Variants in XPNPEP3 observed in about 807,000 individuals in gnomAD.
The protein encoded by XPNPEP3 is X-prolyl aminopeptidase 3.
A neutral mutation model predicts 60.0 loss-of-function variants in XPNPEP3; 41 were observed. The observed-to-expected ratio is 0.68, with a 90% confidence interval of 0.53 to 0.89. The LOEUF is 0.89. Among genes scored for constraint, XPNPEP3 ranks in the 40% least tolerant of loss-of-function variants. The pLI, the probability that XPNPEP3 is intolerant of heterozygous loss-of-function variation, is 0.00. For missense variants in XPNPEP3, 598 were observed against 638.9 expected (o/e 0.94, Z 0.69); for synonymous variants, 212 against 223.2 (o/e 0.95, Z 0.45).
chr22:40,924,266 G>A, intron 8 of XPNPEP3, 96 bp from the exon 9 acceptor site: 1 of 1,526,114 alleles, frequency 6.6e-7, no homozygotes, highest in South Asian at 1.1e-5. Context: ...GAACCATGGG[G>A]GAGATAATAA....
In XPNPEP3 at chr22:40,886,177, T is replaced by C. The variant is rs186785277; in HGVS notation, c.590-136T>C. On this transcript the variant is annotated intron_variant, in intron 3 of 9. Coordinates refer to ENST00000357137, the MANE Select transcript of XPNPEP3 (RefSeq NM_022098.4). ...CTTTATTGCTTCAGTCCTGAGAGAG[T>C]CTTAAGTCTCAACACTTTAGAGTTC... is the stretch of plus-strand genomic sequence containing the variant. The C allele has an allele frequency of 4.8e-6, 4 of 832,004 alleles. No homozygotes were observed. In the East Asian group the frequency reaches 1.0e-4, roughly 21 times the overall value. 51.5% of individuals were successfully genotyped at this position (832,004 alleles called of 1,614,324 possible). A position where few individuals can be genotyped will look rare whatever the true frequency, so the allele number is the denominator to read the frequency against.
chr22:40,891,906 T>C (rs1053035125), intron 4 of XPNPEP3, among the ~76,000 whole-genome samples: 2 of 152,196 alleles, frequency 1.3e-5, no homozygotes, highest in African/African-American at 4.8e-5. Flanking sequence ...CTCCCATGCA[T>C]GCACAACGTG....
chr22:40,918,029 A>AT, intron 7 of XPNPEP3, among the ~76,000 whole-genome samples: 1 of 148,480 alleles, frequency 6.7e-6, no homozygotes, highest in Non-Finnish European at 1.5e-5. Flanking sequence ...AAAAAAAAAA[A>AT]TCTGTAAATA....
intron 3 of XPNPEP3, among the ~76,000 whole-genome samples, chr22:40,882,579 G>A (rs111813449): frequency 2.6e-5 from 4 of 152,082 alleles, no homozygotes; most frequent in African/African-American, 9.6e-5. Context: ...GGAGGTTGCA[G>A]TGATCCGAGA....
intron 3 of XPNPEP3, among the ~76,000 whole-genome samples, chr22:40,884,058 A>G (rs1010357985): frequency 1.3e-5 from 2 of 152,128 alleles, no homozygotes; most frequent in South Asian, 2.1e-4. Context: ...GGAAGAAAAT[A>G]CTCATTTGAA....
rs11365518 is a variant in XPNPEP3 at position 40,865,325 on chromosome 22, CTTTT to C, written c.65-3657_65-3654del. 5.3e-5 allele frequency among the ~76,000 whole-genome samples: 6 copies of C among 112,628 alleles called. No homozygotes were observed. The South Asian group carries it at 1.1e-3, about 21-fold the overall frequency. 73.9% of individuals were successfully genotyped at this position (112,628 alleles called of 152,430 possible). A position where few individuals can be genotyped will look rare whatever the true frequency, so the allele number is the denominator to read the frequency against. ...CTTGCCACACTGTGAGCCCTCCTCA[CTTTT>C]TTTTTTTTTTTTTTTTGAGATGGAG... is the stretch of plus-strand genomic sequence containing the variant. On this transcript the variant is annotated intron_variant, in intron 1 of 9. Coordinates refer to ENST00000357137, the MANE Select transcript of XPNPEP3 (RefSeq NM_022098.4).
At chr22:40,887,040 A>G (rs1601502455) in intron 4 of XPNPEP3, among the ~76,000 whole-genome samples, 1 of 152,058 alleles carries the variant, frequency 6.6e-6, no homozygotes, top group Non-Finnish European at 1.5e-5. Flanking sequence ...TCTTTTACCC[A>G]TCAATCTTAA....
intron 1 of XPNPEP3, 21 bp downstream of exon 1, chr22:40,857,266 T>G (rs1405733533): frequency 6.2e-7 from 1 of 1,613,768 alleles, no homozygotes; most frequent in Non-Finnish European, 8.5e-7. Context: ...TCTCCCACGG[T>G]CTCCTCCCAT....
intron 4 of XPNPEP3, among the ~76,000 whole-genome samples, chr22:40,889,018 T>G (rs913316739): frequency 1.3e-5 from 2 of 151,562 alleles, no homozygotes; most frequent in South Asian, 2.1e-4. Context: ...GTTTTTTTTT[T>G]GTTTTGTTTT....
rs753664807 is a variant in XPNPEP3, at chr22:40,922,307, A to G, written c.1056-26A>G. 2.5e-6 allele frequency: 4 copies of G among 1,613,276 alleles called. No homozygotes were observed. In the South Asian group the frequency reaches 3.3e-5, roughly 13 times the overall value. On this transcript the variant is annotated intron_variant, in intron 7 of 9. Coordinates refer to ENST00000357137, the MANE Select transcript of XPNPEP3 (RefSeq NM_022098.4). ...TTAGAATATCAGATTATCTAAGTTC[A>G]GGTTCTTTGGTTTTCCCGTCCCCAG...
chr22:40,900,274 G>A (rs1157817326), intron 4 of XPNPEP3, among the ~76,000 whole-genome samples: 3 of 151,324 alleles, frequency 2.0e-5, no homozygotes, highest in African/African-American at 7.3e-5. Context: ...CTACATCAAA[G>A]GGTACTTTTC....
chr22:40,926,746 T>C lies in XPNPEP3; in HGVS notation c.*311T>C, dbSNP rs574328573. ...GGTTACACATGTCCATGCATTCCAG[T>C]TAACACATTTAAACATATAGAAAAT... On this transcript the variant is annotated 3_prime_UTR_variant, in exon 10 of 10. Coordinates refer to ENST00000357137, the MANE Select transcript of XPNPEP3 (RefSeq NM_022098.4). The C allele has an allele frequency of 1.0e-5, 4 of 398,220 alleles. No individual in the cohort carries two copies. Among genetic ancestry groups the C allele is most frequent in the African/African-American group, 8.2e-5 (4 of 48,872 alleles). 24.7% of individuals were successfully genotyped at this position (398,220 alleles called of 1,614,324 possible). A position where few individuals can be genotyped will look rare whatever the true frequency, so the allele number is the denominator to read the frequency against.
intron 1 of XPNPEP3, chr22:40,862,714 C>G (rs13310): frequency 1.0e-6 from 1 of 985,282 alleles, no homozygotes. Context: ...CTTTGTCCAC[C>G]CAAGGTTTAC....
intron 1 of XPNPEP3, among the ~76,000 whole-genome samples, chr22:40,864,606 C>T (rs577740071): frequency 1.2e-4 from 19 of 152,032 alleles, no homozygotes; most frequent in South Asian, 2.1e-4. Context: ...CCACCACGCC[C>T]GGCTAATTTT....
intron 4 of XPNPEP3, among the ~76,000 whole-genome samples, chr22:40,897,335 T>C (rs1169230470): frequency 6.6e-6 from 1 of 152,092 alleles, no homozygotes; most frequent in African/African-American, 2.4e-5. Flanking sequence ...GCCTCCTTCA[T>C]CTTTTCATCT....
intron 4 of XPNPEP3, among the ~76,000 whole-genome samples, chr22:40,902,596 G>A (rs1255696462): frequency 6.6e-6 from 1 of 151,892 alleles, no homozygotes; most frequent in East Asian, 1.9e-4. Context: ...TGTTGGTCAG[G>A]CTGGTTTCAA....
intron 2 of XPNPEP3, among the ~76,000 whole-genome samples, chr22:40,873,290 A>G (rs1286033782): frequency 6.6e-6 from 1 of 150,498 alleles, no homozygotes; most frequent in African/African-American, 2.4e-5. Context: ...TTTTTAGTAG[A>G]GAGGGGGTTT....
At chr22:40,899,543 C>A (rs972409700) in intron 4 of XPNPEP3, among the ~76,000 whole-genome samples, 1 of 152,040 alleles carries the variant, frequency 6.6e-6, no homozygotes, top group Non-Finnish European at 1.5e-5. Context: ...AAGTTGTGCC[C>A]GGGCACAGTG....
intron 1 of XPNPEP3, chr22:40,859,487 T>G (rs975612818): frequency 6.6e-6 from 1 of 152,166 alleles, no homozygotes; most frequent in Non-Finnish European, 1.5e-5. Context: ...TTTTTCAACT[T>G]TACTACCACA....
Sources: gnomAD v4.1 joint callset for allele counts (sites outside exome capture counted in the v4.1 genomes callset) on GRCh38, gnomAD v4.1.1 for gene constraint, MANE v1.5 for transcripts, NCBI Gene and HGNC (gene_info 2026-07-23, HGNC 2026-07-21) for gene names.